Variants in VPS54 observed in about 807,000 individuals in gnomAD.
VPS54 encodes the protein VPS54 subunit of GARP complex, also known as vacuolar protein sorting-associated protein 54.
A neutral mutation model predicts 121.5 loss-of-function variants in VPS54; 45 were observed. The ratio of observed to expected loss-of-function variants is 0.37; its 90% CI spans 0.29 to 0.47. VPS54 has a LOEUF of 0.47. Among genes scored for constraint, VPS54 ranks in the 20% least tolerant of loss-of-function variants. VPS54 has a pLI of 0.99. For missense variants in VPS54, 1,090 were observed against 1,131.4 expected (o/e 0.96, Z 0.52); for synonymous variants, 371 against 385.8 (o/e 0.96, Z 0.45).
intron 11 of VPS54, among the ~76,000 whole-genome samples, chr2:63,938,357 G>A (rs1356447641): frequency 6.6e-6 from 1 of 152,120 alleles, no homozygotes; most frequent in Non-Finnish European, 1.5e-5. Context: ...ATGCTAAAGA[G>A]ATGACAAATA....
At chr2:63,972,398 A>T (rs888785807) in intron 3 of VPS54, among the ~76,000 whole-genome samples, 154 bp from the exon 4 acceptor site, 1 of 152,234 alleles carries the variant, frequency 6.6e-6, no homozygotes, top group Non-Finnish European at 1.5e-5. Context: ...TACAAGTAAC[A>T]AGCGGTTAAT....
intron 3 of VPS54, chr2:63,975,066 G>A (rs1202181266): frequency 6.5e-7 from 1 of 1,541,822 alleles, no homozygotes; most frequent in Non-Finnish European, 8.8e-7. Flanking sequence ...TCTTTTTTGA[G>A]ACAGAGTCTC....
At chr2:63,996,003 T>C (rs13005144) in intron 1 of VPS54, among the ~76,000 whole-genome samples, 1 of 152,200 alleles carries the variant, frequency 6.6e-6, no homozygotes, top group African/African-American at 2.4e-5. Context: ...GTAGTAAATT[T>C]CGGAATTATG....
intron 10 of VPS54, among the ~76,000 whole-genome samples, chr2:63,943,366 C>G (rs576364796): frequency 6.6e-6 from 1 of 152,272 alleles, no homozygotes; most frequent in East Asian, 1.9e-4. Context: ...ACAGGAAGTT[C>G]TCTACTTCTA....
At chr2:63,904,010 A>C (rs1575886360) in intron 20 of VPS54, among the ~76,000 whole-genome samples, 1 of 152,310 alleles carries the variant, frequency 6.6e-6, no homozygotes, top group East Asian at 1.9e-4. Context: ...AACTAACTTT[A>C]AATAAGGCAT....
chr2:63,914,167 T>C lies in VPS54; in HGVS notation c.2334+15A>G. The stretch of plus-strand genomic sequence containing the variant: ...CTCGAAAAATTTTTCCATAATGGAG[T>C]GAAGTCATACATACCTTCAATAAAT... On this transcript the variant is annotated intron_variant, in intron 17 of 22. Coordinates refer to ENST00000272322, the MANE Select transcript of VPS54 (RefSeq NM_016516.3). 6.2e-7 allele frequency: 1 copy of C among 1,600,570 alleles called. No individual in the cohort carries two copies. Among genetic ancestry groups the C allele is most frequent in the Non-Finnish European group, 8.6e-7 (1 of 1,169,586 alleles).
At chr2:64,000,068 G>A (rs546401300) in intron 1 of VPS54, among the ~76,000 whole-genome samples, 1 of 151,956 alleles carries the variant, frequency 6.6e-6, no homozygotes, top group Admixed American at 6.6e-5. Flanking sequence ...CACCATGTTG[G>A]CCGGGCTGGT....
intron 20 of VPS54, among the ~76,000 whole-genome samples, chr2:63,911,861 G>A (rs1051335590): frequency 5.3e-5 from 8 of 152,168 alleles, no homozygotes; most frequent in African/African-American, 1.4e-4. Flanking sequence ...TAGATCAAGC[G>A]TGATTGGGGC....
chr2:63,966,840 T>C (rs1398586507), intron 5 of VPS54, among the ~76,000 whole-genome samples: 1 of 152,206 alleles, frequency 6.6e-6, no homozygotes, highest in Non-Finnish European at 1.5e-5. Context: ...CTTTTTACAA[T>C]GAGTGTATTA....
At chr2:64,011,615 C>CTA (rs756221775) in intron 1 of VPS54, among the ~76,000 whole-genome samples, 7 of 152,004 alleles carry the variant, frequency 4.6e-5, no homozygotes, top group Non-Finnish European at 8.8e-5. Context: ...TATGAATAAA[C>CTA]TATACTAAGA....
chr2:63,920,203 T>A (rs888793083), intron 14 of VPS54, among the ~76,000 whole-genome samples: 3 of 152,076 alleles, frequency 2.0e-5, no homozygotes, highest in African/African-American at 7.2e-5. Flanking sequence ...TTACTTAACT[T>A]TGAGTGGGAA....
chr2:63,968,744 GA>G (rs1354294942), intron 5 of VPS54, among the ~76,000 whole-genome samples: 2 of 142,592 alleles, frequency 1.4e-5, no homozygotes, highest in African/African-American at 5.2e-5. Flanking sequence ...CAGAAAAGCA[GA>G]AAGAAAAAGA....
intron 16 of VPS54, among the ~76,000 whole-genome samples, chr2:63,915,678 G>T (rs1479264084): frequency 2.6e-5 from 4 of 152,142 alleles, no homozygotes; most frequent in African/African-American, 9.7e-5. Flanking sequence ...TAATTATATT[G>T]AAGGGATGGG....
In VPS54 at chr2:63,914,903, G is replaced by A. The variant is rs917179037; in HGVS notation, c.2229-616C>T. Among the ~76,000 whole-genome samples the A allele has an allele frequency of 1.8e-4, 27 of 152,012 alleles. 1 individual carries two copies. Among genetic ancestry groups the A allele is most frequent in the Admixed American group, 1.6e-3 (25 of 15,268 alleles). On this transcript the variant is annotated intron_variant, in intron 16 of 22. Transcript: ENST00000272322. ...AATCCCAGCACTTTGGGAGGTCAAGGCAGGCAGATCACTGGAGGTCGGGAG... is the reference window on the plus strand; with the variant it reads ...AATCCCAGCACTTTGGGAGGTCAAGACAGGCAGATCACTGGAGGTCGGGAG...
intron 12 of VPS54, among the ~76,000 whole-genome samples, chr2:63,928,584 G>C (rs1346276275): frequency 6.6e-6 from 1 of 152,142 alleles, no homozygotes. Context: ...ATCAATGCTA[G>C]GAAGAAACTG....
rs913728068 is a variant in VPS54 at position 63,920,533 on chromosome 2, C to T, written c.1964G>A (p.Arg655Lys). ...TGCTCCAAGTAATGACGTGCTTTTT[C>T]TTCCACAGATCTGTTCGGTGTCTAA... The part of the protein sequence containing the change: ...FILDTEQICG[R>K]KSTSLLGALQ... The change falls in exon 14 of 23, where the codon AGA becomes AAA. Residue 655 changes from arginine to lysine, a missense_variant. Arg to Lys is a conservative substitution (Grantham distance 26). Transcript: ENST00000272322. 8 of 1,592,000 alleles carry T rather than the reference C, an allele frequency of 5.0e-6. No homozygotes were observed. In the African/African-American group the frequency reaches 5.5e-5, roughly 11 times the overall value.
chr2:64,003,215 G>A (rs1042746693), intron 1 of VPS54, among the ~76,000 whole-genome samples: 10 of 152,056 alleles, frequency 6.6e-5, no homozygotes, highest in African/African-American at 2.4e-4. Context: ...ACAGGAAAAC[G>A]GAAAGCTCTA....
At chr2:63,946,430 G>A (rs1183952251) in intron 9 of VPS54, among the ~76,000 whole-genome samples, 1 of 152,012 alleles carries the variant, frequency 6.6e-6, no homozygotes, top group Admixed American at 6.6e-5. Context: ...CAACATGTAT[G>A]CAAATTTGGC....
intron 22 of VPS54, among the ~76,000 whole-genome samples, chr2:63,894,643 C>T (rs924759911): frequency 1.3e-5 from 2 of 150,598 alleles, no homozygotes; most frequent in African/African-American, 4.9e-5. Context: ...GTTGAGGCTG[C>T]AGTGAGCCAT....
Sources: gnomAD v4.1 joint callset for allele counts (sites outside exome capture counted in the v4.1 genomes callset) on GRCh38, gnomAD v4.1.1 for gene constraint, MANE v1.5 for transcripts, NCBI Gene and HGNC (gene_info 2026-07-23, HGNC 2026-07-21) for gene names.